ATP7B: variants seen among roughly 807,000 people sequenced by gnomAD.
ATP7B encodes the protein copper-transporting ATPase 2.
In ATP7B, 113 loss-of-function variants were observed where a neutral mutation model predicts 118.9. The ratio of observed to expected loss-of-function variants is 0.95; its 90% CI spans 0.82 to 1.11. The LOEUF is 1.11. ATP7B is among the 50% of genes most tolerant of loss of function. The probability of loss-of-function intolerance (pLI) is 0.00; values close to 1 mark genes in which losing one functional copy is unlikely to be tolerated. For synonymous variants in ATP7B, 777 were observed against 727.4 expected, an observed-to-expected ratio of 1.07 and a Z score of -1.10; for missense variants, 1,867 against 1,871.4, an observed-to-expected ratio of 1.00 and a Z score of 0.04.
chr13:51,970,796 A>C, intron 2 of ATP7B, 47 bp from the exon 3 acceptor site: 3 of 1,591,366 alleles, frequency 1.9e-6, no homozygotes, highest in Non-Finnish European at 1.7e-6. Flanking sequence ...AGCAAATAAT[A>C]TGTTTTTCAG....
At chr13:51,996,638 C>A (rs972843723) in intron 1 of ATP7B, among the ~76,000 whole-genome samples, 1 of 152,252 alleles carries the variant, frequency 6.6e-6, no homozygotes, top group Admixed American at 6.5e-5. Flanking sequence ...AGGCTGCCTC[C>A]TCATAGGTTG....
chr13:51,996,660 G>A (rs544366759), intron 1 of ATP7B, among the ~76,000 whole-genome samples: 4 of 152,276 alleles, frequency 2.6e-5, no homozygotes, highest in East Asian at 1.9e-4. Context: ...CCACAGTGAC[G>A]CTTCCTCCCC....
chr13:52,002,951 C>T (rs557270025), intron 1 of ATP7B, among the ~76,000 whole-genome samples: 2 of 152,292 alleles, frequency 1.3e-5, no homozygotes, highest in East Asian at 3.9e-4. Flanking sequence ...TAGTGGAAGG[C>T]CTTGCTTCAA....
Position 51,964,876 on chromosome 13 carries a change from A to G in ATP7B, c.1865T>C (p.Ile622Thr), listed in dbSNP as rs1339155702. ...IIGPRDIIKI[I>T]EEIGFHASLA... is the part of the protein sequence containing the mutation. Reference sequence around the variant, plus strand: ...ATTTTTTAATGAATTACTTACCTCAATAATTTTGATAATATCCCGTGGACC... The same window carrying G: ...ATTTTTTAATGAATTACTTACCTCAGTAATTTTGATAATATCCCGTGGACC... Residue 622 changes from isoleucine (I) to threonine (T), a missense_variant, in exon 5 of 21, where the codon ATT becomes ACT. By Grantham distance (89) the Ile-to-Thr change is moderately conservative. Transcript: ENST00000242839. The G allele has an allele frequency of 3.1e-6, 5 of 1,614,070 alleles. No homozygotes were observed. Among genetic ancestry groups the G allele is most frequent in the Non-Finnish European group, 3.4e-6 (4 of 1,179,958 alleles).
chr13:51,996,082 T>C (rs1953191798), intron 1 of ATP7B, among the ~76,000 whole-genome samples: 1 of 152,236 alleles, frequency 6.6e-6, no homozygotes, highest in Non-Finnish European at 1.5e-5. Context: ...GTTGGCAGCG[T>C]GCAGAATACT....
rs1158671844 is a variant in ATP7B, at chr13:51,934,170, C to T, written c.*586G>A. On this transcript the variant is annotated 3_prime_UTR_variant, in exon 21 of 21. Transcript: ENST00000242839. Reference sequence around the variant, plus strand: ...AAGACCACAAGGACATTGGTCCCACCCTCCCAGGTGACAGGCAGGGTTGCG... The same window carrying T: ...AAGACCACAAGGACATTGGTCCCACTCTCCCAGGTGACAGGCAGGGTTGCG... 1 of 180,268 alleles carries T rather than the reference C, an allele frequency of 5.5e-6. No homozygotes were observed. The highest frequency in any genetic ancestry group is 2.4e-5 in the African/African-American group (1 of 42,530). 11.2% of individuals were successfully genotyped at this position (180,268 alleles called of 1,614,324 possible). A position where few individuals can be genotyped will look rare whatever the true frequency, so the allele number is the denominator to read the frequency against.
Position 51,958,372 on chromosome 13 carries a change from T to C in ATP7B, c.2294A>G (p.Asp765Gly), listed in dbSNP as rs1555291147. The C allele has an allele frequency of 6.2e-7, 1 of 1,614,108 alleles. No individual in the cohort carries two copies. Among genetic ancestry groups the C allele is most frequent in the East Asian group, 2.2e-5 (1 of 44,888 alleles). ...GAACACAAAGAGCATGGGGGGCGTG[T>C]CGAAGAATGTCACAGGGCTCCTCTC... ...KAERSPVTFF[D>G]TPPMLFVFIA... Residue 765 changes from aspartate to glycine, a missense_variant, in exon 8 of 21, where the codon GAC becomes GGC. Physicochemically the swap from Asp to Gly is moderately conservative, Grantham distance 94. Coordinates refer to ENST00000242839, the MANE Select transcript of ATP7B (RefSeq NM_000053.4).
In ATP7B at chr13:51,942,537, G is replaced by T. The variant is rs375820067; in HGVS notation, c.3261C>A (p.Thr1087=). ...KYCKEELGTE[T]LGYCTDFQAV... ...CCTGGAAGTCCGTGCAGTATCCCAA[G>T]GTCTCTGTTCCAAGTTCCTGGGAAG... The change falls in exon 15 of 21, where the codon ACC becomes ACA. Residue 1087 remains threonine (T), a synonymous_variant. Transcript: ENST00000242839. The T allele has an allele frequency of 3.7e-5, 59 of 1,614,104 alleles. No homozygotes were observed. The African/African-American group carries it at 6.5e-4, about 18-fold the overall frequency.
rs74085885 is a variant in ATP7B at position 51,946,221 on chromosome 13, T to A, written c.3060+63A>T. The A allele has an allele frequency of 6.8e-4, 1,044 of 1,534,186 alleles. 4 individuals carry two copies. In the African/African-American group the frequency reaches 0.013, roughly 19 times the overall value. On this transcript the variant is annotated intron_variant, in intron 13 of 20. Coordinates refer to ENST00000242839, the MANE Select transcript of ATP7B (RefSeq NM_000053.4). ...TGGCTCTCAGGCTTTTCTCTCAATG[T>A]GAAATAGTAAACAGATACTACTTTC...
In ATP7B at chr13:51,942,614, G is replaced by T. The variant is rs932774907; in HGVS notation, c.3244-60C>A. The T allele has an allele frequency of 1.9e-6, 3 of 1,603,396 alleles. No individual in the cohort carries two copies. The African/African-American group carries it at 4.0e-5, about 21-fold the overall frequency. On this transcript the variant is annotated intron_variant, in intron 14 of 20. Transcript: ENST00000242839. ...AAGCCAAGAGGGGTGAAGTGAAAGG[G>T]AGGGGCAGGCAGGACAGGGACACAG... is the stretch of plus-strand genomic sequence containing the variant.
At chr13:51,946,158 G>T in intron 13 of ATP7B, 126 bp downstream of exon 13, 1 of 1,289,538 alleles carries the variant, frequency 7.8e-7, no homozygotes, top group Non-Finnish European at 1.1e-6. Flanking sequence ...AGTTATACTT[G>T]ACTTCCTATT....
chr13:51,956,433 T>A (rs1958353274), intron 9 of ATP7B, among the ~76,000 whole-genome samples: 1 of 151,972 alleles, frequency 6.6e-6, no homozygotes, highest in Non-Finnish European at 1.5e-5. Flanking sequence ...CCTCTGAAAA[T>A]GGGAGTGGTT....
At chr13:51,949,049 G>A (rs146964633) in intron 12 of ATP7B, among the ~76,000 whole-genome samples, 8,230 of 152,038 alleles carry the variant, frequency 0.054, 697 homozygotes, top group African/African-American at 0.19. Flanking sequence ...GTGTGGTGGC[G>A]TGTGCCTGTA....
intron 9 of ATP7B, among the ~76,000 whole-genome samples, chr13:51,950,710 C>A (rs948597014): frequency 1.3e-5 from 2 of 151,904 alleles, no homozygotes; most frequent in Non-Finnish European, 2.9e-5. Flanking sequence ...ATGAAAAAAA[C>A]AAGGATAATG....
intron 1 of ATP7B, among the ~76,000 whole-genome samples, chr13:51,985,831 G>A (rs900398486): frequency 6.6e-6 from 1 of 152,174 alleles, no homozygotes; most frequent in Non-Finnish European, 1.5e-5. Context: ...GGTAAATAAT[G>A]AAATTAAGGC....
At chr13:51,980,616 C>T (rs1026007569) in intron 1 of ATP7B, among the ~76,000 whole-genome samples, 8 of 152,180 alleles carry the variant, frequency 5.3e-5, no homozygotes, top group Non-Finnish European at 1.2e-4. Flanking sequence ...CTTTCAAAGC[C>T]AATCTGATAG....
intron 19 of ATP7B, among the ~76,000 whole-genome samples, chr13:51,936,494 G>A (rs1227848292): frequency 6.6e-6 from 1 of 152,028 alleles, no homozygotes; most frequent in African/African-American, 2.4e-5. Flanking sequence ...GGGGGAATGA[G>A]GGGGAATTAC....
In ATP7B at chr13:51,942,262, C is replaced by T. The variant is rs189228388; in HGVS notation, c.3412+124G>A. 157 of 1,462,144 alleles carry T rather than the reference C, an allele frequency of 1.1e-4. No individual in the cohort carries two copies. In the African/African-American group the frequency reaches 1.7e-3, roughly 16 times the overall value. The allele number at this position is 1,462,144 out of a possible 1,614,324, so 90.6% of individuals were successfully genotyped here. On this transcript the variant is annotated intron_variant, in intron 15 of 20. Transcript: ENST00000242839. ...ACTTTCCTGGGTGTGGGGAGGCAGG[C>T]TTGGGTGCCTTAGCCATGAACCGTC...
chr13:52,010,718 C>T (rs1953983392), intron 1 of ATP7B, among the ~76,000 whole-genome samples: 1 of 152,226 alleles, frequency 6.6e-6, no homozygotes, highest in Non-Finnish European at 1.5e-5. Context: ...ATCAACTCAA[C>T]ACTGTGTGCC....
Sources: gnomAD v4.1 joint callset for allele counts (sites outside exome capture counted in the v4.1 genomes callset) on GRCh38, gnomAD v4.1.1 for gene constraint, MANE v1.5 for transcripts, NCBI Gene and HGNC (gene_info 2026-07-23, HGNC 2026-07-21) for gene names.